RSU1: variants seen among roughly 807,000 people sequenced by gnomAD.
RSU1 encodes the protein Ras suppressor protein 1, also known as rsu-1.
A neutral mutation model predicts 31.1 loss-of-function variants in RSU1; 26 were observed. That is an observed-to-expected ratio of 0.84 (90% confidence interval 0.61 to 1.16). RSU1 has a LOEUF of 1.16. Among genes scored for constraint, RSU1 ranks in the 50% most tolerant of loss-of-function variants. The pLI is 0.00. For missense variants in RSU1, 320 were observed against 339.1 expected, an observed-to-expected ratio of 0.94 and a Z score of 0.44; for synonymous variants, 164 against 136.3, an observed-to-expected ratio of 1.20 and a Z score of -1.41.
intron 7 of RSU1, among the ~76,000 whole-genome samples, chr10:16,743,702 C>G (rs988611693): frequency 2.6e-5 from 4 of 152,156 alleles, no homozygotes; most frequent in African/African-American, 9.7e-5. Flanking sequence ...CAACATAAAG[C>G]TGCCTTGGGT....
intron 7 of RSU1, among the ~76,000 whole-genome samples, chr10:16,716,753 G>T (rs1188801781): frequency 6.6e-6 from 1 of 152,164 alleles, no homozygotes; most frequent in Non-Finnish European, 1.5e-5. Flanking sequence ...TTTCAGAGAA[G>T]TTTGGAGGGT....
intron 8 of RSU1, among the ~76,000 whole-genome samples, chr10:16,643,648 T>G (rs1398712106): frequency 6.6e-6 from 1 of 152,192 alleles, no homozygotes; most frequent in Non-Finnish European, 1.5e-5. Context: ...ATTAACTCTG[T>G]GATCTTGGGA....
chr10:16,730,704 AAGT>A (rs1554769919), intron 7 of RSU1, among the ~76,000 whole-genome samples: 2 of 152,332 alleles, frequency 1.3e-5, no homozygotes, highest in South Asian at 2.1e-4. Flanking sequence ...AAAAAATAAA[AAGT>A]AGAAAAATAA....
chr10:16,714,120 G>A (rs73604879), intron 7 of RSU1, among the ~76,000 whole-genome samples: 1,869 of 152,244 alleles, frequency 0.012, 38 homozygotes, highest in African/African-American at 0.043. Context: ...GGGAGGTGGG[G>A]CCACCACTAG....
intron 8 of RSU1, among the ~76,000 whole-genome samples, chr10:16,663,639 T>C (rs1349484675): frequency 2.0e-5 from 3 of 152,158 alleles, no homozygotes; most frequent in African/African-American, 4.8e-5. Context: ...CGCCGCGCAG[T>C]ACAACTACAT....
intron 7 of RSU1, among the ~76,000 whole-genome samples, chr10:16,714,081 G>A (rs1232778430): frequency 6.6e-6 from 1 of 152,170 alleles, no homozygotes; most frequent in African/African-American, 2.4e-5. Context: ...GGGTGTGGAG[G>A]GCGAAAAGGC....
intron 2 of RSU1, among the ~76,000 whole-genome samples, chr10:16,803,274 T>A (rs1290850107): frequency 6.6e-6 from 1 of 152,068 alleles, no homozygotes; most frequent in East Asian, 1.9e-4. Flanking sequence ...ACCAAACAAA[T>A]GAAATATTTA....
chr10:16,660,910 A>C (rs7914695), intron 8 of RSU1, among the ~76,000 whole-genome samples: 8,793 of 151,952 alleles, frequency 0.058, 870 homozygotes, highest in African/African-American at 0.2. Context: ...AACCTCCCAA[A>C]GTGCTGGGAT....
rs775716130 is a variant in RSU1, at chr10:16,754,832, A to G, written c.400+39T>C. The G allele has an allele frequency of 3.8e-6, 5 of 1,301,494 alleles. No individual in the cohort carries two copies. The East Asian group carries it at 1.2e-4, about 30-fold the overall frequency. 80.6% of individuals were successfully genotyped at this position (1,301,494 alleles called of 1,614,324 possible). On this transcript the variant is annotated intron_variant, in intron 5 of 8. Coordinates refer to ENST00000345264, the MANE Select transcript of RSU1 (RefSeq NM_012425.4). The stretch of plus-strand genomic sequence containing the variant: ...AAATTTCCCTCTCAGAACGCAAAGT[A>G]CAAGGTTGAGGAGATTTATAGAATT...
chr10:16,694,948 T>G, intron 8 of RSU1, 75 bp downstream of exon 8: 1 of 1,363,564 alleles, frequency 7.3e-7, no homozygotes, highest in Non-Finnish European at 1.0e-6. Context: ...TACTGTCACA[T>G]AATATTTTTA....
chr10:16,711,681 G>A (rs575109630), intron 7 of RSU1, among the ~76,000 whole-genome samples: 7 of 152,200 alleles, frequency 4.6e-5, no homozygotes, highest in East Asian at 1.9e-4. Flanking sequence ...TAATTTCCAC[G>A]TATTTCAAAG....
chr10:16,688,737 G>A (rs1588716096), intron 8 of RSU1, among the ~76,000 whole-genome samples: 2 of 152,152 alleles, frequency 1.3e-5, no homozygotes, highest in Non-Finnish European at 2.9e-5. Context: ...GCCGTGGTGC[G>A]TGCCTGTAAT....
chr10:16,796,937 A>G (rs1213371956), intron 2 of RSU1, among the ~76,000 whole-genome samples: 1 of 152,216 alleles, frequency 6.6e-6, no homozygotes, highest in Non-Finnish European at 1.5e-5. Context: ...GCATGTGACG[A>G]AAGCAGAGAG....
At chr10:16,792,998 G>C (rs1588539408) in intron 2 of RSU1, among the ~76,000 whole-genome samples, 1 of 152,334 alleles carries the variant, frequency 6.6e-6, no homozygotes, top group Admixed American at 6.5e-5. Context: ...GTAGGACACA[G>C]ATTCTGATCT....
intron 8 of RSU1, among the ~76,000 whole-genome samples, chr10:16,646,022 GTA>G (rs1194036067): frequency 1.2e-4 from 9 of 72,788 alleles, no homozygotes; most frequent in East Asian, 3.4e-4. Context: ...ACATATATGT[GTA>G]TATATATGTG....
chr10:16,690,209 A>AT (rs899786845), intron 8 of RSU1, among the ~76,000 whole-genome samples: 124 of 152,338 alleles, frequency 8.1e-4, no homozygotes, highest in African/African-American at 2.7e-3. Flanking sequence ...CTTCAAAGAA[A>AT]TAAAAGAGGT....
At chr10:16,641,231 C>G (rs1834436470) in intron 8 of RSU1, among the ~76,000 whole-genome samples, 1 of 152,224 alleles carries the variant, frequency 6.6e-6, no homozygotes, top group African/African-American at 2.4e-5. Context: ...AGTCCACCAA[C>G]TAATTGGTTA....
At chr10:16,730,860 G>C (rs1248039331) in intron 7 of RSU1, among the ~76,000 whole-genome samples, 1 of 152,102 alleles carries the variant, frequency 6.6e-6, no homozygotes, top group African/African-American at 2.4e-5. Context: ...GTCTCACTCT[G>C]TCGCCCAGAC....
chr10:16,735,572 T>C (rs1161845563), intron 7 of RSU1, among the ~76,000 whole-genome samples: 1 of 152,170 alleles, frequency 6.6e-6, no homozygotes, highest in African/African-American at 2.4e-5. Flanking sequence ...AATAAAGACA[T>C]ACCCAAGACT....
Sources: allele counts gnomAD v4.1 joint callset (sites outside exome capture counted in the v4.1 genomes callset), GRCh38; gene constraint gnomAD v4.1.1; transcripts MANE v1.5; gene names NCBI Gene and HGNC (gene_info 2026-07-23, HGNC 2026-07-21).